Variants in ZNF514 observed in about 807,000 individuals in gnomAD.
ZNF514 encodes zinc finger protein 514.
Under a neutral mutation model 9.7 loss-of-function variants are expected in ZNF514, and 12 were observed. That is an observed-to-expected ratio of 1.24 (90% CI 0.79 to 2.01). The LOEUF (loss-of-function observed/expected upper bound fraction) is 2.01. Among genes scored for constraint, ZNF514 ranks in the 30% most tolerant of loss-of-function variants. The pLI is 0.00. For missense variants in ZNF514, 467 were observed against 465.5 expected, an observed-to-expected ratio of 1.00 and a Z score of -0.03; for synonymous variants, 158 against 163.7, an observed-to-expected ratio of 0.97 and a Z score of 0.27.
rs1673545293 is a variant in ZNF514, at chr2:95,151,518, G to C, written c.217+1156C>G. ...CTGTGGACATCTTGGTTGGAACCAT[G>C]TGATACACATGCCAGACTTCTGACC... On this transcript the variant is annotated intron_variant, in intron 4 of 4. Coordinates refer to ENST00000295208, the MANE Select transcript of ZNF514 (RefSeq NM_032788.3). Among the ~76,000 whole-genome samples the C allele has an allele frequency of 2.6e-5, 4 of 152,370 alleles. No homozygotes were observed. In the South Asian group the frequency reaches 8.3e-4, roughly 32 times the overall value.
Position 95,149,835 on chromosome 2 carries a change from G to A in ZNF514, c.650C>T (p.Ser217Leu). 1.9e-6 allele frequency: 3 copies of A among 1,614,176 alleles called. No individual in the cohort carries two copies. Among genetic ancestry groups the A allele is most frequent in the South Asian group, 1.1e-5 (1 of 91,076 alleles). Reference sequence around the variant, plus strand: ...ACATCGCTGATGGCGCCTAAGTTCTGACTGGAAGTGAAAGGACTTCCCACA... The same window carrying A: ...ACATCGCTGATGGCGCCTAAGTTCTAACTGGAAGTGAAAGGACTTCCCACA... ...NECGKSFHFQ[S>L]ELRRHQRCHT... Residue 217 changes from serine to leucine, a missense_variant, in exon 5 of 5, where the codon TCA becomes TTA. Coordinates refer to ENST00000295208, the MANE Select transcript of ZNF514 (RefSeq NM_032788.3).
At chr2:95,150,339 C>T (rs1046508943) in intron 4 of ZNF514, 72 bp from the exon 5 acceptor site, 149 of 1,442,240 alleles carry the variant, frequency 1.0e-4, no homozygotes, top group Non-Finnish European at 1.3e-4. Flanking sequence ...GAAAAGCAAG[C>T]TCCTATAATG....
At position 95,153,154 on chromosome 2, in the gene ZNF514, A is replaced by G. The variant is rs1329812633; in HGVS notation, c.100T>C (p.Phe34Leu). The change falls in exon 3 of 5, where the codon TTC becomes CTC. Residue 34 changes from phenylalanine to leucine, a missense_variant. Transcript: ENST00000295208. ...TCACCCAGAATGGCCAAGTTCCTGAAGTTCTCCAGCATCACCTCCCTGTAG... is the reference window on the plus strand; with the variant it reads ...TCACCCAGAATGGCCAAGTTCCTGAGGTTCTCCAGCATCACCTCCCTGTAG... The part of the protein sequence containing the change: ...DLYREVMLEN[F>L]RNLAILGLLV... 2.0e-5 allele frequency: 32 copies of G among 1,613,138 alleles called. No homozygotes were observed. Among genetic ancestry groups the G allele is most frequent in the Non-Finnish European group, 2.5e-5 (30 of 1,179,344 alleles).
chr2:95,150,186 A>C lies in ZNF514; in HGVS notation c.299T>G (p.Val100Gly). 6.2e-7 allele frequency: 1 copy of C among 1,607,598 alleles called. No individual in the cohort carries two copies. The highest frequency in any genetic ancestry group is 1.1e-5 in the South Asian group (1 of 91,020). ...SKEELFQVVS[V>G]EKHIQDVLQF... ...CAGCACATCTTGAATGTGTTTTTCC[A>C]CTGATACTACCTGGAATAATTCTTC... The change falls in exon 5 of 5, where the codon GTG becomes GGG. Residue 100 changes from valine to glycine, a missense_variant. By Grantham distance (109) the Val-to-Gly change is moderately radical. Transcript: ENST00000295208.
At chr2:95,129,888 G>C in the ZNF514 span, among the ~76,000 whole-genome samples, 1 of 152,204 alleles carries the variant, frequency 6.6e-6, no homozygotes, top group African/African-American at 2.4e-5. Context: ...TGGTCAGCAA[G>C]TAGGAGTCTG....
the ZNF514 span, among the ~76,000 whole-genome samples, chr2:95,125,735 T>C: frequency 6.6e-6 from 1 of 152,256 alleles, no homozygotes; most frequent in Non-Finnish European, 1.5e-5. Context: ...GACTGGCTTA[T>C]TTCACTTAGC....
At chr2:95,150,532 A>G (rs1412793567) in intron 4 of ZNF514, among the ~76,000 whole-genome samples, 1 of 152,144 alleles carries the variant, frequency 6.6e-6, no homozygotes, top group Non-Finnish European at 1.5e-5. Context: ...TCCAAAGACT[A>G]AAGATGAGAG....
intron 4 of ZNF514, among the ~76,000 whole-genome samples, chr2:95,152,394 C>T (rs1485865950): frequency 1.3e-5 from 2 of 152,122 alleles, no homozygotes; most frequent in African/African-American, 4.8e-5. Flanking sequence ...GTTGATCCAT[C>T]TAACATTGAC....
the ZNF514 span, among the ~76,000 whole-genome samples, chr2:95,132,009 G>A: frequency 6.6e-6 from 1 of 151,996 alleles, no homozygotes; most frequent in Non-Finnish European, 1.5e-5. Flanking sequence ...CAGGCATGGT[G>A]TCAGACACCT....
At chr2:95,154,837 A>C (rs1057275587) in intron 2 of ZNF514, 1 of 152,210 alleles carries the variant, frequency 6.6e-6, no homozygotes, top group African/African-American at 2.4e-5. Flanking sequence ...TCAGGGACCA[A>C]ATCATGGATG....
intron 4 of ZNF514, 88 bp from the exon 5 acceptor site, chr2:95,150,355 G>A: frequency 7.3e-7 from 1 of 1,374,050 alleles, no homozygotes; most frequent in Non-Finnish European, 9.7e-7. Context: ...TAATGAATGT[G>A]AAATAATTAA....
At position 95,153,155 on chromosome 2, in the gene ZNF514, G is replaced by A. The variant is rs1673589446; in HGVS notation, c.99C>T (p.Asn33=). 6.2e-7 allele frequency: 1 copy of A among 1,613,208 alleles called. No homozygotes were observed. The highest frequency in any genetic ancestry group is 8.5e-7 in the Non-Finnish European group (1 of 1,179,408). The part of the protein sequence containing the change: ...KDLYREVMLE[N]FRNLAILGLL... ...CACCCAGAATGGCCAAGTTCCTGAAGTTCTCCAGCATCACCTCCCTGTAGA... is the reference window on the plus strand; with the variant it reads ...CACCCAGAATGGCCAAGTTCCTGAAATTCTCCAGCATCACCTCCCTGTAGA... Residue 33 remains asparagine, a synonymous_variant, in exon 3 of 5, where the codon AAC becomes AAT. Transcript: ENST00000295208.
chr2:95,155,755 C>T (rs1292703242), intron 2 of ZNF514: 3 of 152,230 alleles, frequency 2.0e-5, no homozygotes, highest in Non-Finnish European at 2.9e-5. Context: ...CTAATACTTC[C>T]CACTTCATTA....
At chr2:95,131,836 A>G in the ZNF514 span, among the ~76,000 whole-genome samples, 1 of 152,236 alleles carries the variant, frequency 6.6e-6, no homozygotes, top group Non-Finnish European at 1.5e-5. Context: ...TATTCAATGA[A>G]AGACTCCATT....
At chr2:95,138,705 T>C in the ZNF514 span, among the ~76,000 whole-genome samples, 2 of 152,186 alleles carry the variant, frequency 1.3e-5, no homozygotes, top group South Asian at 2.1e-4. Flanking sequence ...CAGCCTGACC[T>C]TGTGGCAGAG....
the ZNF514 span, among the ~76,000 whole-genome samples, chr2:95,131,009 A>G: frequency 2.0e-5 from 3 of 152,198 alleles, no homozygotes; most frequent in Non-Finnish European, 4.4e-5. Context: ...GAACTAATAA[A>G]TGTCCATAAA....
At chr2:95,131,054 A>G in the ZNF514 span, among the ~76,000 whole-genome samples, 1 of 152,238 alleles carries the variant, frequency 6.6e-6, no homozygotes, top group Non-Finnish European at 1.5e-5. Context: ...CCGTGGTTTC[A>G]GCCGGTCCCT....
At chr2:95,123,631 TGAGA>T in the ZNF514 span, among the ~76,000 whole-genome samples, 4 of 152,156 alleles carry the variant, frequency 2.6e-5, no homozygotes, top group Non-Finnish European at 4.4e-5. Flanking sequence ...GGGTAGGGGT[TGAGA>T]GAGAGAAGAT....
At chr2:95,158,916 C>T (rs1285163125) in intron 1 of ZNF514, 3 of 1,289,806 alleles carry the variant, frequency 2.3e-6, no homozygotes, top group Non-Finnish European at 3.0e-6. Flanking sequence ...GGGCTCGGTA[C>T]TAGCTCCCCA....
Sources: gnomAD v4.1 joint callset for allele counts (sites outside exome capture counted in the v4.1 genomes callset) on GRCh38, gnomAD v4.1.1 for gene constraint, MANE v1.5 for transcripts, NCBI Gene and HGNC (gene_info 2026-07-23, HGNC 2026-07-21) for gene names.